The following TCF4 variants were observed in gnomAD, a reference collection of about 807,000 sequenced individuals.
TCF4 encodes the protein transcription factor 4.
A neutral mutation model predicts 82.1 loss-of-function variants in TCF4; 3 were observed. That is an observed-to-expected ratio of 0.04 (90% CI 0.02 to 0.09). TCF4 has a LOEUF of 0.09. Among genes scored for constraint, TCF4 ranks in the 10% least tolerant of loss-of-function variants. The pLI is 1.00. For synonymous variants in TCF4, 276 were observed against 309.6 expected (o/e 0.89, Z 1.14); for missense variants, 518 against 852.7 (o/e 0.61, Z 4.89).
Position 55,570,043 on chromosome 18 carries a change from C to A in TCF4, c.145+15237G>T, listed in dbSNP as rs143841078. On this transcript the variant is annotated intron_variant, in intron 3 of 19. Coordinates refer to ENST00000354452, the MANE Select transcript of TCF4 (RefSeq NM_001083962.2). ...TATAACATTTATTATAATGTGATAC[C>A]GAGGCAAGGTAGCCAAACTAACCAA... Among the ~76,000 whole-genome samples, 905 of 151,986 alleles carry A rather than the reference C, an allele frequency of 6.0e-3. 10 individuals carry two copies. The highest frequency in any genetic ancestry group is 0.021 in the African/African-American group (858 of 41,422).
At position 55,377,652 on chromosome 18, in the gene TCF4, C is replaced by A. The variant is rs1017219714; in HGVS notation, c.369+25802G>T. Among the ~76,000 whole-genome samples the A allele has an allele frequency of 2.0e-5, 3 of 152,218 alleles. 1 individual carries two copies. The highest frequency in any genetic ancestry group is 7.2e-5 in the African/African-American group (3 of 41,460). ...TGGCTATTTCAAAAAGGACTTTAAA[C>A]CCCATCATGTTACCACTGTCCAGGG... On this transcript the variant is annotated intron_variant, in intron 6 of 19. Coordinates refer to ENST00000354452, the MANE Select transcript of TCF4 (RefSeq NM_001083962.2).
upstream of TCF4, among the ~76,000 whole-genome samples, chr18:55,592,586 A>G (rs940498221): frequency 2.0e-5 from 3 of 152,182 alleles, no homozygotes; most frequent in African/African-American, 7.2e-5. Flanking sequence ...TGGAGGAGAC[A>G]CAAACATTCA....
intron 2 of TCF4, among the ~76,000 whole-genome samples, chr18:55,607,531 C>T (rs1372425939): frequency 6.6e-6 from 1 of 152,162 alleles, no homozygotes; most frequent in Non-Finnish European, 1.5e-5. Context: ...CAGGACAAAA[C>T]TCAGGAGAAG....
intron 8 of TCF4, among the ~76,000 whole-genome samples, chr18:55,306,897 CCTT>C (rs2147110386): frequency 1.3e-5 from 2 of 152,300 alleles, no homozygotes; most frequent in African/African-American, 4.8e-5. Flanking sequence ...TTGGAACTCT[CCTT>C]CTGGGAAAAG....
intron 5 of TCF4, among the ~76,000 whole-genome samples, chr18:55,454,280 G>T (rs534067119): frequency 6.9e-4 from 105 of 152,158 alleles, no homozygotes; most frequent in African/African-American, 2.4e-3. Context: ...AGAATATTTT[G>T]CCCAGTCAAG....
At chr18:55,625,578 A>G (rs145493467) in intron 2 of TCF4, among the ~76,000 whole-genome samples, 1 of 152,300 alleles carries the variant, frequency 6.6e-6, no homozygotes, top group Non-Finnish European at 1.5e-5. Flanking sequence ...AAGTATTGCC[A>G]TAAAACTGTT....
chr18:55,507,879 T>C (rs527845682), intron 3 of TCF4, among the ~76,000 whole-genome samples: 2 of 152,264 alleles, frequency 1.3e-5, no homozygotes, highest in South Asian at 4.1e-4. Flanking sequence ...AAAAATTCTC[T>C]AGGCTGAAAT....
intron 9 of TCF4, 106 bp from the exon 10 acceptor site, chr18:55,275,858 C>A: frequency 2.8e-6 from 4 of 1,440,554 alleles, no homozygotes; most frequent in Non-Finnish European, 3.9e-6. Context: ...TGTTATTCAT[C>A]TTTGTGTTGG....
At chr18:55,506,192 G>C (rs937688361) in intron 3 of TCF4, among the ~76,000 whole-genome samples, 1 of 152,178 alleles carries the variant, frequency 6.6e-6, no homozygotes, top group African/African-American at 2.4e-5. Flanking sequence ...TCTAGATCAA[G>C]AAATACTGAT....
intron 3 of TCF4, among the ~76,000 whole-genome samples, chr18:55,500,502 C>A (rs1260668153): frequency 6.6e-6 from 1 of 152,198 alleles, no homozygotes; most frequent in Non-Finnish European, 1.5e-5. Context: ...TTCATTTCGG[C>A]ACATCCTGTT....
chr18:55,530,568 G>GC (rs1009973525), intron 3 of TCF4, among the ~76,000 whole-genome samples: 1 of 143,370 alleles, frequency 7.0e-6, no homozygotes, highest in Non-Finnish European at 1.5e-5. Context: ...AAAAGGGGGG[G>GC]GGAAACAGCT....
chr18:55,261,637 A>G (rs1221282082), intron 11 of TCF4, 104 bp from the exon 12 acceptor site: 18 of 1,167,322 alleles, frequency 1.5e-5, no homozygotes, highest in Non-Finnish European at 1.7e-5. Context: ...TTTAATGCTA[A>G]TTACAACACA....
chr18:55,336,276 CTAAA>C (rs1433909277), intron 8 of TCF4, among the ~76,000 whole-genome samples: 1 of 151,896 alleles, frequency 6.6e-6, no homozygotes, highest in Non-Finnish European at 1.5e-5. Flanking sequence ...AATTACCCTC[CTAAA>C]TAGAGAGTAT....
chr18:55,360,323 G>A (rs1603341082), intron 6 of TCF4, among the ~76,000 whole-genome samples: 4 of 152,288 alleles, frequency 2.6e-5, no homozygotes, highest in Admixed American at 2.6e-4. Flanking sequence ...GGAGACTAGA[G>A]ACAGAACTTA....
intron 5 of TCF4, among the ~76,000 whole-genome samples, chr18:55,459,068 G>A (rs2095823306): frequency 6.6e-6 from 1 of 152,172 alleles, no homozygotes; most frequent in Non-Finnish European, 1.5e-5. Context: ...GGAACAGTGG[G>A]TGGGGGCCTC....
intron 5 of TCF4, among the ~76,000 whole-genome samples, chr18:55,446,902 C>T (rs972110302): frequency 6.7e-6 from 1 of 148,414 alleles, no homozygotes; most frequent in East Asian, 2.0e-4. Flanking sequence ...AGGAGAATGG[C>T]GTGAACCCAG....
rs1271643151 is a variant in TCF4 at position 55,385,602 on chromosome 18, T to C, written c.369+17852A>G. On this transcript the variant is annotated intron_variant, in intron 6 of 19. Coordinates refer to ENST00000354452, the MANE Select transcript of TCF4 (RefSeq NM_001083962.2). ...TTTTAGTAGAGATGGGGTTTCACTATGCTGGCCAGGCCGGTCTCGAACTCC... is the reference window on the plus strand; with the variant it reads ...TTTTAGTAGAGATGGGGTTTCACTACGCTGGCCAGGCCGGTCTCGAACTCC... 3.9e-5 allele frequency among the ~76,000 whole-genome samples: 6 copies of C among 152,162 alleles called. No homozygotes were observed. The East Asian group carries it at 1.2e-3, about 29-fold the overall frequency.
chr18:55,473,590 C>A (rs2096231564), intron 3 of TCF4, among the ~76,000 whole-genome samples: 1 of 152,158 alleles, frequency 6.6e-6, no homozygotes, highest in Non-Finnish European at 1.5e-5. Context: ...TTTAACACTG[C>A]AGCCTATGAC....
rs1603286090 is a variant in TCF4 at position 55,350,927 on chromosome 18, T to C, written c.446A>G (p.Tyr149Cys). ...TCGGGGATTATTGCTAGAATACTGA[T>C]AGTACTGGGAACCAGGTTTGGTGGG... is the stretch of plus-strand genomic sequence containing the variant. Reference protein sequence around the residue: ...LSPTKPGSQYYQYSSNNPRRR... With the variant: ...LSPTKPGSQYCQYSSNNPRRR... Residue 149 changes from tyrosine to cysteine, a missense_variant, in exon 7 of 20, where the codon TAT becomes TGT. Tyr to Cys is a radical substitution (Grantham distance 194, BLOSUM62 -2). Coordinates refer to ENST00000354452, the MANE Select transcript of TCF4 (RefSeq NM_001083962.2). The C allele has an allele frequency of 1.2e-6, 2 of 1,613,526 alleles. No individual in the cohort carries two copies. Among genetic ancestry groups the C allele is most frequent in the African/African-American group, 1.3e-5 (1 of 74,890 alleles).
Sources: allele counts gnomAD v4.1 joint callset (sites outside exome capture counted in the v4.1 genomes callset), GRCh38; gene constraint gnomAD v4.1.1; transcripts MANE v1.5; gene names NCBI Gene and HGNC (gene_info 2026-07-23, HGNC 2026-07-21).